The following SORCS1 variants were observed in gnomAD, a reference collection of about 807,000 sequenced individuals.
SORCS1 encodes VPS10 domain-containing receptor SorCS1.
SORCS1 carries 60 observed loss-of-function variants against 146.1 expected under a neutral mutation model. That is an observed-to-expected ratio of 0.41 (90% CI 0.33 to 0.51). The LOEUF (loss-of-function observed/expected upper bound fraction) is 0.51. SORCS1 is among the 20% of genes least tolerant of loss of function. SORCS1 has a pLI of 0.21. For missense variants in SORCS1, 1,352 were observed against 1,487.6 expected, an observed-to-expected ratio of 0.91 and a Z score of 1.50; for synonymous variants, 637 against 584.0, an observed-to-expected ratio of 1.09 and a Z score of -1.31.
the SORCS1 span, among the ~76,000 whole-genome samples, chr10:107,180,188 T>A: frequency 6.6e-6 from 1 of 152,138 alleles, no homozygotes; most frequent in East Asian, 1.9e-4. Context: ...AGTGCTAGGA[T>A]TACAAGTGTG....
At position 106,879,532 on chromosome 10, in the gene SORCS1, CTTT is replaced by C. The variant is rs576044524; in HGVS notation, c.627-49862_627-49860del. Reference sequence around the variant, plus strand: ...AGGTTAGATGACATGACAAAAGGGACTTTGTAGATGTAAGTGTGGTTACTGATC... The same window carrying C: ...AGGTTAGATGACATGACAAAAGGGACGTAGATGTAAGTGTGGTTACTGATC... On this transcript the variant is annotated intron_variant, in intron 2 of 25. Coordinates refer to ENST00000263054, the MANE Select transcript of SORCS1 (RefSeq NM_052918.5). 2.2e-3 allele frequency among the ~76,000 whole-genome samples: 341 copies of C among 152,246 alleles called. 4 individuals carry two copies. The South Asian group carries it at 0.063, about 28-fold the overall frequency.
chr10:106,992,329 A>T (rs1365442559), intron 1 of SORCS1, among the ~76,000 whole-genome samples: 2 of 152,198 alleles, frequency 1.3e-5, no homozygotes, highest in African/African-American at 4.8e-5. Flanking sequence ...CAAGCCAGGA[A>T]AAGAGAGGCT....
the SORCS1 span, among the ~76,000 whole-genome samples, chr10:107,175,560 C>G: frequency 2.0e-5 from 3 of 152,150 alleles, no homozygotes; most frequent in African/African-American, 7.2e-5. Flanking sequence ...GTCAGCTTCC[C>G]GAGTAGCTGG....
intron 17 of SORCS1, among the ~76,000 whole-genome samples, chr10:106,664,697 T>C (rs1319863690): frequency 6.6e-6 from 1 of 152,094 alleles, no homozygotes; most frequent in African/African-American, 2.4e-5. Flanking sequence ...GGGTCACAGG[T>C]ATCATTCAGC....
At chr10:106,884,098 T>C (rs926474027) in intron 2 of SORCS1, among the ~76,000 whole-genome samples, 2 of 152,192 alleles carry the variant, frequency 1.3e-5, no homozygotes, top group Admixed American at 6.5e-5. Context: ...ACTTACTCTG[T>C]CTTCTCTTAT....
At chr10:107,174,502 C>A in the SORCS1 span, among the ~76,000 whole-genome samples, 2 of 152,146 alleles carry the variant, frequency 1.3e-5, no homozygotes, top group East Asian at 3.9e-4. Flanking sequence ...GCCACCGCAC[C>A]CGGCCACATC....
intron 1 of SORCS1, among the ~76,000 whole-genome samples, chr10:107,142,662 A>G (rs962038270): frequency 6.6e-6 from 1 of 152,160 alleles, no homozygotes; most frequent in Non-Finnish European, 1.5e-5. Context: ...CCTCTCAATC[A>G]TTAGTACTTC....
At chr10:107,166,815 A>G (rs189629768), upstream of SORCS1, among the ~76,000 whole-genome samples, 1 of 152,366 alleles carries the variant, frequency 6.6e-6, no homozygotes, top group East Asian at 1.9e-4. Context: ...TTATCATCCA[A>G]ATATAGGCTG....
At chr10:106,903,395 T>C (rs1210343155) in intron 2 of SORCS1, among the ~76,000 whole-genome samples, 1 of 152,210 alleles carries the variant, frequency 6.6e-6, no homozygotes, top group Non-Finnish European at 1.5e-5. Context: ...AGAGGTTTAC[T>C]GTGAGTGCCA....
intron 24 of SORCS1, among the ~76,000 whole-genome samples, chr10:106,588,860 C>CA (rs778852501): frequency 0.017 from 613 of 35,082 alleles, 69 homozygotes; most frequent in Non-Finnish European, 0.023. Flanking sequence ...GACTCCATCT[C>CA]AAAAAAAAAA....
At chr10:106,583,680 T>C (rs1284997361) in intron 24 of SORCS1, among the ~76,000 whole-genome samples, 1 of 152,050 alleles carries the variant, frequency 6.6e-6, no homozygotes, top group Non-Finnish European at 1.5e-5. Flanking sequence ...ATTTTTTTTT[T>C]TGTACTTTTA....
chr10:106,993,663 CTTTG>C (rs1365679247), intron 1 of SORCS1, among the ~76,000 whole-genome samples: 7 of 152,020 alleles, frequency 4.6e-5, no homozygotes, highest in Admixed American at 2.6e-4. Flanking sequence ...ACTGTCAACA[CTTTG>C]TTTGAATGTA....
intron 3 of SORCS1, among the ~76,000 whole-genome samples, chr10:106,800,628 T>A (rs145346605): frequency 0.044 from 6,669 of 150,308 alleles, 210 homozygotes; most frequent in Non-Finnish European, 0.059. Flanking sequence ...TTCATGCCAT[T>A]CCCCTACCTC....
chr10:106,950,977 T>C (rs1226023825), intron 2 of SORCS1, among the ~76,000 whole-genome samples: 2 of 152,146 alleles, frequency 1.3e-5, no homozygotes, highest in African/African-American at 4.8e-5. Flanking sequence ...GACTCAAAGA[T>C]GAGTTACGAA....
intron 14 of SORCS1, 76 bp downstream of exon 14, chr10:106,674,973 C>G: frequency 8.7e-7 from 1 of 1,155,914 alleles, no homozygotes; most frequent in Non-Finnish European, 1.3e-6. Context: ...GCAAATCAAA[C>G]AGGCTTAGCT....
At chr10:107,118,608 A>G (rs1439626089) in intron 1 of SORCS1, among the ~76,000 whole-genome samples, 1 of 152,218 alleles carries the variant, frequency 6.6e-6, no homozygotes, top group Non-Finnish European at 1.5e-5. Context: ...ATAAAAGGAT[A>G]AACAGACCGA....
At chr10:106,783,841 C>G (rs1861077156) in intron 3 of SORCS1, among the ~76,000 whole-genome samples, 1 of 152,058 alleles carries the variant, frequency 6.6e-6, no homozygotes, top group Non-Finnish European at 1.5e-5. Flanking sequence ...TAGGAATGGG[C>G]AAAAATCTCT....
At chr10:107,091,996 C>G (rs1161748471) in intron 1 of SORCS1, among the ~76,000 whole-genome samples, 1 of 152,018 alleles carries the variant, frequency 6.6e-6, no homozygotes, top group African/African-American at 2.4e-5. Flanking sequence ...CCTACAGGAC[C>G]AAAACAGGCC....
At position 106,618,260 on chromosome 10, in the gene SORCS1, A is replaced by G; in HGVS notation, c.2809T>C (p.Leu937=). ...AATCTGAAGGATATGCTTCCCTCCA[A>G]GGTGATCAAAGGCTAAAATAAACAA... The part of the protein sequence containing the change: ...YGNNTEPLIT[L]EGSISFRFTS... Residue 937 remains leucine (L), a synonymous_variant, in exon 21 of 26, where the codon TTG becomes CTG. Coordinates refer to ENST00000263054, the MANE Select transcript of SORCS1 (RefSeq NM_052918.5). 1 of 1,613,922 alleles carries G rather than the reference A, an allele frequency of 6.2e-7. No individual in the cohort carries two copies. Among genetic ancestry groups the G allele is most frequent in the Non-Finnish European group, 8.5e-7 (1 of 1,179,882 alleles).
Sources: allele counts gnomAD v4.1 joint callset (sites outside exome capture counted in the v4.1 genomes callset), GRCh38; gene constraint gnomAD v4.1.1; transcripts MANE v1.5; gene names NCBI Gene and HGNC (gene_info 2026-07-23, HGNC 2026-07-21).